Variants in GSDME observed in about 807,000 individuals in gnomAD.
GSDME encodes the protein gasdermin E, also known as gasdermin-E.
GSDME carries 44 observed loss-of-function variants against 47.5 expected under a neutral mutation model. That is an observed-to-expected ratio of 0.93 (90% confidence interval 0.73 to 1.19). The LOEUF is 1.19. GSDME is among the 50% of genes most tolerant of loss of function. GSDME has a pLI of 0.00. For synonymous variants in GSDME, 258 were observed against 252.8 expected (o/e 1.02, Z -0.20); for missense variants, 663 against 604.2 (o/e 1.10, Z -1.02).
At chr7:24,765,284 C>T in the GSDME span, among the ~76,000 whole-genome samples, 2 of 152,080 alleles carry the variant, frequency 1.3e-5, no homozygotes, top group African/African-American at 2.4e-5. Context: ...CCTTTCTTGT[C>T]GAAAATGGAC....
intron 6 of GSDME, among the ~76,000 whole-genome samples, chr7:24,708,775 A>G (rs1789227899): frequency 6.6e-6 from 1 of 152,224 alleles, no homozygotes; most frequent in Non-Finnish European, 1.5e-5. Context: ...AAGCACAGCT[A>G]TTCTTTCTCT....
rs1790534317 is a variant in GSDME, at chr7:24,742,846, A to G, written c.404+1716T>C. On this transcript the variant is annotated intron_variant, in intron 3 of 9. Transcript: ENST00000645220. This position sits in a 1 kb window ranked among gnomAD's most constrained non-coding sequence, Gnocchi z 4.4. ...TTCATTTCAGATAAATATCAAATAC[A>G]TTTCTAGTGTGTCCCAACAATTGCA... Among the ~76,000 whole-genome samples, 1 of 152,176 alleles carries G rather than the reference A, an allele frequency of 6.6e-6. No individual in the cohort carries two copies. Among genetic ancestry groups the G allele is most frequent in the South Asian group, 2.1e-4 (1 of 4,826 alleles).
intron 6 of GSDME, 88 bp from the exon 7 acceptor site, chr7:24,708,342 G>A (rs545594842): frequency 3.3e-4 from 496 of 1,488,274 alleles, no homozygotes; most frequent in Non-Finnish European, 4.3e-4. Context: ...ATACCTAATC[G>A]TCATCAGTTC....
the GSDME span, among the ~76,000 whole-genome samples, chr7:24,792,121 T>G: frequency 6.6e-6 from 1 of 152,256 alleles, no homozygotes; most frequent in Non-Finnish European, 1.5e-5. Context: ...ACAATTGCTT[T>G]TGTTTAACAT....
intron 7 of GSDME, chr7:24,707,507 A>AT (rs1354835589): frequency 2.2e-6 from 1 of 453,548 alleles, no homozygotes; most frequent in African/African-American, 2.0e-5. Flanking sequence ...CCACCACACG[A>AT]CCCCCTTGCA....
intron 8 of GSDME, 140 bp downstream of exon 8, chr7:24,706,044 C>CGT (rs1789084855): frequency 9.2e-6 from 10 of 1,087,732 alleles, no homozygotes; most frequent in Non-Finnish European, 1.2e-5. Context: ...CCACCTCTTA[C>CGT]CCTCCCTGTA....
rs1790517664 is a variant in GSDME at position 24,742,278 on chromosome 7, A to C, written c.404+2284T>G. ...AGGAAAGAACAGGAGCTTTGGAGCC[A>C]GAAAATCCTGAGTTGAATCCCAGCA... On this transcript the variant is annotated intron_variant, in intron 3 of 9. Coordinates refer to ENST00000645220, the MANE Select transcript of GSDME (RefSeq NM_001127453.2). This position sits in a 1 kb window ranked among gnomAD's most constrained non-coding sequence, Gnocchi z 4.4. Among the ~76,000 whole-genome samples, 2 of 152,258 alleles carry C rather than the reference A, an allele frequency of 1.3e-5. No individual in the cohort carries two copies. The highest frequency in any genetic ancestry group is 1.3e-4 in the Admixed American group (2 of 15,286).
Position 24,705,946 on chromosome 7 carries a change from G to T in GSDME, c.1183+238C>A, listed in dbSNP as rs1028513199. The T allele has an allele frequency of 2.9e-5, 17 of 580,530 alleles. No homozygotes were observed. In the Admixed American group the frequency reaches 3.4e-4, roughly 12 times the overall value. 36.0% of individuals were successfully genotyped at this position (580,530 alleles called of 1,614,324 possible). ...ACTGTGGCCTTCCCTGGGGGAGGAG[G>T]GAGAAGGGCCCTCCGGGAGAGTAGG... On this transcript the variant is annotated intron_variant, in intron 8 of 9. Transcript: ENST00000645220. The surrounding 1 kb of genome is among the most constrained non-coding windows in gnomAD (Gnocchi z 4.1).
intron 2 of GSDME, among the ~76,000 whole-genome samples, chr7:24,747,250 G>T (rs1265321093): frequency 1.3e-5 from 2 of 152,208 alleles, no homozygotes; most frequent in Non-Finnish European, 2.9e-5. Flanking sequence ...ATTCCTGAAG[G>T]GGAGGGTGAT....
chr7:24,778,473 G>A, the GSDME span, among the ~76,000 whole-genome samples: 2 of 152,180 alleles, frequency 1.3e-5, no homozygotes, highest in Non-Finnish European at 2.9e-5. The surrounding 1 kb of genome is among the most constrained non-coding windows in gnomAD (Gnocchi z 5.6). Flanking sequence ...ATTTTGTTTT[G>A]TTGCACCCTT....
chr7:24,706,621 CTTCCAGGGCAGGGTCTGTTGGGTAG>C (rs761583711), intron 7 of GSDME, among the ~76,000 whole-genome samples: 56 of 152,248 alleles, frequency 3.7e-4, no homozygotes, highest in Non-Finnish European at 2.2e-4. Flanking sequence ...GGCATAGAAC[CTTCCAGGGCAGGGTCTGTTGGGTAG>C]TGCCAGGGAC....
At chr7:24,703,317 T>C in intron 8 of GSDME, 1 of 259,898 alleles carries the variant, frequency 3.8e-6, no homozygotes, top group South Asian at 5.1e-5. Context: ...CCAATCATTT[T>C]GGGGAGGAAA....
chr7:24,793,964 G>A, the GSDME span, among the ~76,000 whole-genome samples: 1 of 152,130 alleles, frequency 6.6e-6, no homozygotes, highest in Non-Finnish European at 1.5e-5. Context: ...GGAAGGCTAC[G>A]GGTTGTCAGT....
Position 24,724,234 on chromosome 7 carries a change from G to A in GSDME, c.405-5016C>T, listed in dbSNP as rs949384506. On this transcript the variant is annotated intron_variant, in intron 3 of 9. Coordinates refer to ENST00000645220, the MANE Select transcript of GSDME (RefSeq NM_001127453.2). This position sits in a 1 kb window ranked among gnomAD's most constrained non-coding sequence, Gnocchi z 4.8. The stretch of plus-strand genomic sequence containing the variant: ...CTGGACAGACTGTAAGCTCCTGGAG[G>A]ACAAAGTACTTGCTCTTTTTATTGG... Among the ~76,000 whole-genome samples, 3 of 151,934 alleles carry A rather than the reference G, an allele frequency of 2.0e-5. No individual in the cohort carries two copies. Among genetic ancestry groups the A allele is most frequent in the Non-Finnish European group, 4.4e-5 (3 of 67,990 alleles).
the GSDME span, among the ~76,000 whole-genome samples, chr7:24,773,023 T>C: frequency 6.6e-6 from 1 of 152,204 alleles, no homozygotes; most frequent in Non-Finnish European, 1.5e-5. This position sits in a 1 kb window ranked among gnomAD's most constrained non-coding sequence, Gnocchi z 5.4. Context: ...ACAATGGGAA[T>C]TGCATTGTTA....
rs1387752121 is a variant in GSDME at position 24,736,900 on chromosome 7, A to T, written c.404+7662T>A. Among the ~76,000 whole-genome samples the T allele has an allele frequency of 1.3e-5, 2 of 152,194 alleles. No individual in the cohort carries two copies. The highest frequency in any genetic ancestry group is 2.9e-5 in the Non-Finnish European group (2 of 68,022). On this transcript the variant is annotated intron_variant, in intron 3 of 9. Coordinates refer to ENST00000645220, the MANE Select transcript of GSDME (RefSeq NM_001127453.2). The surrounding 1 kb of genome is among the most constrained non-coding windows in gnomAD (Gnocchi z 4.6). ...TGCAAATACATGGAAATTAAACAAC[A>T]TGCTCCTGAATGACCAGTGAGTCAA... is the stretch of plus-strand genomic sequence containing the variant.
At chr7:24,760,739 C>A (rs1177479145), upstream of GSDME, among the ~76,000 whole-genome samples, 1 of 152,182 alleles carries the variant, frequency 6.6e-6, no homozygotes, top group Non-Finnish European at 1.5e-5. This position sits in a 1 kb window ranked among gnomAD's most constrained non-coding sequence, Gnocchi z 4.2. Flanking sequence ...AAACTGATTT[C>A]ATTTACCTCC....
At position 24,725,580 on chromosome 7, in the gene GSDME, G is replaced by A. The variant is rs754523401; in HGVS notation, c.405-6362C>T. Among the ~76,000 whole-genome samples, 8 of 152,160 alleles carry A rather than the reference G, an allele frequency of 5.3e-5. No individual in the cohort carries two copies. The highest frequency in any genetic ancestry group is 1.3e-4 in the Admixed American group (2 of 15,286). ...AGGGCTCACAACTCTAAGGGGGTGC[G>A]CATGAGAGGGTCGTGATCGATTGAG... On this transcript the variant is annotated intron_variant, in intron 3 of 9. Coordinates refer to ENST00000645220, the MANE Select transcript of GSDME (RefSeq NM_001127453.2). The surrounding 1 kb of genome is among the most constrained non-coding windows in gnomAD (Gnocchi z 5.1).
In GSDME at chr7:24,749,753, T is replaced by C; in HGVS notation, c.22A>G (p.Asn8Asp). MFAKATRNFLREVDADGD... is the reference protein window; with the variant it reads MFAKATRDFLREVDADGD... ...TCAGCATCAACTTCTCTAAGAAAAT[T>C]CCTGGTTGCTTTGGCAAACATTTTG... The change falls in exon 2 of 10, where the codon AAT becomes GAT. Residue 8 changes from asparagine to aspartate, a missense_variant. By Grantham distance (23) the Asn-to-Asp change is conservative (BLOSUM62 1). Coordinates refer to ENST00000645220, the MANE Select transcript of GSDME (RefSeq NM_001127453.2). 1 of 1,614,118 alleles carries C rather than the reference T, an allele frequency of 6.2e-7. No homozygotes were observed. The highest frequency in any genetic ancestry group is 8.5e-7 in the Non-Finnish European group (1 of 1,179,976).
Sources: allele counts gnomAD v4.1 joint callset (sites outside exome capture counted in the v4.1 genomes callset), GRCh38; gene constraint gnomAD v4.1.1; non-coding constraint Gnocchi (gnomAD v3.1); transcripts MANE v1.5; gene names NCBI Gene and HGNC (gene_info 2026-07-23, HGNC 2026-07-21).